The following NRXN1 variants were observed in gnomAD, a reference collection of about 807,000 sequenced individuals.
NRXN1 encodes neurexin-1.
In NRXN1, 39 loss-of-function variants were observed where a neutral mutation model predicts 150.9. The ratio of observed to expected loss-of-function variants is 0.26; its 90% CI spans 0.20 to 0.34. The LOEUF (loss-of-function observed/expected upper bound fraction) is 0.34. Among genes scored for constraint, NRXN1 ranks in the 10% least tolerant of loss-of-function variants. NRXN1 has a pLI of 1.00. For missense variants in NRXN1, 1,815 were observed against 1,949.9 expected (o/e 0.93, Z 1.30); for synonymous variants, 924 against 757.0 (o/e 1.22, Z -3.62).
chr2:50,337,797 T>C (rs940502929), intron 17 of NRXN1, among the ~76,000 whole-genome samples: 3 of 152,280 alleles, frequency 2.0e-5, no homozygotes, highest in Admixed American at 2.0e-4. Flanking sequence ...ATTTAATTAA[T>C]TCTATTAAAA....
chr2:51,031,910 T>G (rs1298878026), intron 1 of NRXN1, 71 bp downstream of exon 1: 6 of 152,010 alleles, frequency 3.9e-5, no homozygotes, highest in African/African-American at 1.5e-4. Flanking sequence ...TCAGTTACAA[T>G]GGGGAAAGAT....
intron 3 of NRXN1, 128 bp from the exon 4 acceptor site, chr2:50,922,815 C>T (rs1686257654): frequency 1.0e-6 from 1 of 965,238 alleles, no homozygotes; most frequent in Middle Eastern, 2.1e-4. Context: ...ATCACAGAGG[C>T]AAATCAAAAA....
chr2:50,062,138 C>T (rs1046668603), intron 19 of NRXN1, among the ~76,000 whole-genome samples: 4 of 152,050 alleles, frequency 2.6e-5, no homozygotes, highest in African/African-American at 7.3e-5. Context: ...TTGATTAAAT[C>T]CCAGATAATT....
intron 17 of NRXN1, among the ~76,000 whole-genome samples, chr2:50,448,125 A>G (rs1240481477): frequency 1.1e-4 from 16 of 152,024 alleles, no homozygotes; most frequent in Admixed American, 1.0e-3. Flanking sequence ...AAAATCTAAA[A>G]ATATAGAATG....
chr2:50,085,580 A>G (rs908463526), intron 19 of NRXN1, among the ~76,000 whole-genome samples: 1 of 152,134 alleles, frequency 6.6e-6, no homozygotes, highest in African/African-American at 2.4e-5. Context: ...AAGTTTCTCT[A>G]GTAAAGTTAG....
chr2:50,641,337 A>G (rs900488698), intron 5 of NRXN1, among the ~76,000 whole-genome samples: 1 of 152,068 alleles, frequency 6.6e-6, no homozygotes, highest in Non-Finnish European at 1.5e-5. Context: ...TGTTGGACTA[A>G]TTAAAAAGCA....
chr2:50,552,728 A>G lies in NRXN1; in HGVS notation c.1618T>C (p.Phe540Leu), dbSNP rs1667708120. The change falls in exon 9 of 23, where the codon TTC becomes CTC. Residue 540 changes from phenylalanine (F) to leucine (L), a missense_variant. This residue lies in a region of NRXN1 where 638 missense variants were observed against 652.6 expected (regional missense o/e 0.98). Transcript: ENST00000401669. ...CCATCTAGCATCTCAATAGCAAAGA[A>G]GTCCACCTTTATCATCTGTGGGTGC... ...AKHPQMIKVDFFAIEMLDGHL... is the reference protein window; with the variant it reads ...AKHPQMIKVDLFAIEMLDGHL... The G allele has an allele frequency of 6.2e-7, 1 of 1,613,848 alleles. No homozygotes were observed. The highest frequency in any genetic ancestry group is 1.7e-5 in the Admixed American group (1 of 59,986).
chr2:50,284,675 TAATGTAG>T (rs2071889259), intron 17 of NRXN1, among the ~76,000 whole-genome samples: 1 of 152,204 alleles, frequency 6.6e-6, no homozygotes, highest in Non-Finnish European at 1.5e-5. Flanking sequence ...CTTATCTACT[TAATGTAG>T]AAAAATCAGT....
intron 17 of NRXN1, among the ~76,000 whole-genome samples, chr2:50,438,834 G>C (rs139433835): frequency 6.6e-6 from 1 of 152,112 alleles, no homozygotes; most frequent in African/African-American, 2.4e-5. Flanking sequence ...TAACAGTAAG[G>C]AAAAATATAG....
intron 21 of NRXN1, among the ~76,000 whole-genome samples, chr2:49,977,648 T>G (rs1189823677): frequency 6.6e-6 from 1 of 152,136 alleles, no homozygotes; most frequent in Non-Finnish European, 1.5e-5. Context: ...CAAGTGAGGA[T>G]GAAGAGATGG....
At chr2:50,483,476 A>G (rs1207691250) in intron 15 of NRXN1, among the ~76,000 whole-genome samples, 2 of 152,138 alleles carry the variant, frequency 1.3e-5, no homozygotes, top group Non-Finnish European at 2.9e-5. Flanking sequence ...TCTTTCTTGC[A>G]CAAGGTTCAA....
intron 18 of NRXN1, among the ~76,000 whole-genome samples, chr2:50,163,448 T>A (rs2059488590): frequency 6.6e-6 from 1 of 152,132 alleles, no homozygotes; most frequent in South Asian, 2.1e-4. Flanking sequence ...CAGATCTACT[T>A]GATAATCAAT....
At chr2:50,233,307 C>CA (rs543316228) in intron 18 of NRXN1, among the ~76,000 whole-genome samples, 16 of 151,902 alleles carry the variant, frequency 1.1e-4, no homozygotes, top group East Asian at 5.8e-4. Flanking sequence ...ATTAATATGA[C>CA]AAAAAAATCC....
At chr2:50,846,789 A>G (rs1005471450) in intron 5 of NRXN1, among the ~76,000 whole-genome samples, 3 of 152,322 alleles carry the variant, frequency 2.0e-5, no homozygotes, top group Admixed American at 1.3e-4. Flanking sequence ...CCTTTGGTTC[A>G]TGGCCAAGCC....
intron 18 of NRXN1, among the ~76,000 whole-genome samples, chr2:50,191,396 T>C (rs1176638735): frequency 6.6e-6 from 1 of 152,150 alleles, no homozygotes; most frequent in African/African-American, 2.4e-5. Context: ...AATTAGGAAA[T>C]TGACTTTGGT....
At chr2:50,019,323 G>T (rs904972684) in intron 21 of NRXN1, 8 of 470,994 alleles carry the variant, frequency 1.7e-5, no homozygotes, top group Non-Finnish European at 3.1e-5. Flanking sequence ...TACTTTTCTG[G>T]TATCCTCGCT....
intron 21 of NRXN1, among the ~76,000 whole-genome samples, chr2:50,013,841 A>G (rs1243529338): frequency 6.6e-6 from 1 of 152,184 alleles, no homozygotes; most frequent in African/African-American, 2.4e-5. Flanking sequence ...AAGCAAACCT[A>G]CATGAAAGAG....
chr2:50,810,550 A>G (rs1348667001), intron 5 of NRXN1, among the ~76,000 whole-genome samples: 1 of 152,204 alleles, frequency 6.6e-6, no homozygotes, highest in Non-Finnish European at 1.5e-5. Context: ...CCTAGTAAGT[A>G]GCATTATTAG....
At chr2:50,217,954 T>C (rs1220094712) in intron 18 of NRXN1, among the ~76,000 whole-genome samples, 1 of 152,004 alleles carries the variant, frequency 6.6e-6, no homozygotes, top group African/African-American at 2.4e-5. Context: ...AGACACACCA[T>C]GTTGTATCTC....
Sources: allele counts gnomAD v4.1 joint callset (sites outside exome capture counted in the v4.1 genomes callset), GRCh38; gene constraint gnomAD v4.1.1; regional missense constraint gnomAD v4.1.1; transcripts MANE v1.5; gene names NCBI Gene and HGNC (gene_info 2026-07-23, HGNC 2026-07-21).